PDE3A: variants seen among roughly 807,000 people sequenced by gnomAD.
PDE3A encodes the protein cGMP-inhibited 3',5'-cyclic phosphodiesterase 3A.
A neutral mutation model predicts 98.3 loss-of-function variants in PDE3A; 43 were observed. The observed-to-expected ratio is 0.44, with a 90% CI of 0.34 to 0.56. The LOEUF is 0.56. Ranked by LOEUF, PDE3A falls within the 20% of genes least tolerant of loss-of-function variation. PDE3A has a pLI of 0.01. For synonymous variants in PDE3A, 663 were observed against 567.9 expected (o/e 1.17, Z -2.38); for missense variants, 1,427 against 1,440.7 (o/e 0.99, Z 0.15).
chr12:20,491,454 T>C (rs2121046969), intron 1 of PDE3A, among the ~76,000 whole-genome samples: 1 of 152,292 alleles, frequency 6.6e-6, no homozygotes, highest in Non-Finnish European at 1.5e-5. Context: ...TAAACTGTCA[T>C]GGTGCTGTGA....
intron 1 of PDE3A, among the ~76,000 whole-genome samples, chr12:20,426,122 A>C (rs1944597804): frequency 6.6e-6 from 1 of 152,194 alleles, no homozygotes; most frequent in Non-Finnish European, 1.5e-5. Flanking sequence ...CTGTTGAGGA[A>C]AATTTTAAGC....
intron 2 of PDE3A, among the ~76,000 whole-genome samples, chr12:20,583,441 T>G (rs1442221443): frequency 6.6e-6 from 1 of 152,098 alleles, no homozygotes; most frequent in Non-Finnish European, 1.5e-5. Flanking sequence ...GGTGATTTCA[T>G]TAGGAATAAG....
intron 1 of PDE3A, among the ~76,000 whole-genome samples, chr12:20,505,865 T>C (rs1255929416): frequency 2.0e-5 from 3 of 152,128 alleles, no homozygotes; most frequent in Non-Finnish European, 2.9e-5. Flanking sequence ...GGAGCTGCCA[T>C]ATACAAAACA....
intron 10 of PDE3A, among the ~76,000 whole-genome samples, chr12:20,642,228 G>A (rs557225198): frequency 7.2e-5 from 11 of 152,064 alleles, no homozygotes; most frequent in African/African-American, 2.6e-4. Flanking sequence ...TACCTTTAAC[G>A]GTTTTCAAGA....
chr12:20,384,594 A>G (rs1007642329), intron 1 of PDE3A, among the ~76,000 whole-genome samples: 1 of 151,938 alleles, frequency 6.6e-6, no homozygotes, highest in African/African-American at 2.4e-5. Context: ...GTAGGTAAAC[A>G]TATACTATGG....
intron 1 of PDE3A, among the ~76,000 whole-genome samples, chr12:20,543,231 T>A (rs2121226084): frequency 6.7e-6 from 1 of 149,250 alleles, no homozygotes; most frequent in South Asian, 2.2e-4. Flanking sequence ...TTGCATGGAA[T>A]TTTTGGAGTA....
chr12:20,623,623 GGAATTTATGATGGATATATTCTAGAAA>G (rs1471689539), intron 5 of PDE3A, among the ~76,000 whole-genome samples: 3 of 151,072 alleles, frequency 2.0e-5, no homozygotes, highest in African/African-American at 7.3e-5. Context: ...CTTTACTAAA[GGAATTTATGATGGATATATTCTAGAAA>G]GAATATATGA....
chr12:20,616,297 C>T lies in PDE3A; in HGVS notation c.1337C>T (p.Ser446Leu), dbSNP rs748512495. Residue 446 changes from serine (S) to leucine (L), a missense_variant, in exon 4 of 16, where the codon TCG becomes TTG. Ser to Leu is a moderately radical substitution (Grantham distance 145, BLOSUM62 -2). This residue lies in a region of PDE3A where 1,012 missense variants were observed against 886.5 expected (regional missense o/e 1.14). Coordinates refer to ENST00000359062, the MANE Select transcript of PDE3A (RefSeq NM_000921.5). ...TCTTCCACTTGGACCACCACCACCT[C>T]GGCCACAGGTCTACCCACCTTGGAG... ...RVSSTWTTTT[S>L]ATGLPTLEPA... 3 of 1,614,016 alleles carry T rather than the reference C, an allele frequency of 1.9e-6. No homozygotes were observed. Among genetic ancestry groups the T allele is most frequent in the South Asian group, 1.1e-5 (1 of 91,076 alleles).
chr12:20,445,934 A>G (rs1944945804), intron 1 of PDE3A, among the ~76,000 whole-genome samples: 1 of 152,174 alleles, frequency 6.6e-6, no homozygotes, highest in African/African-American at 2.4e-5. Context: ...AGATGAGCAT[A>G]TGACTGACTC....
At chr12:20,439,189 A>G (rs1383206010) in intron 1 of PDE3A, among the ~76,000 whole-genome samples, 1 of 152,196 alleles carries the variant, frequency 6.6e-6, no homozygotes, top group East Asian at 1.9e-4. Context: ...AGAAAATAAC[A>G]ATAGGACTTT....
chr12:20,380,942 A>C (rs550837214), intron 1 of PDE3A, among the ~76,000 whole-genome samples: 1 of 152,048 alleles, frequency 6.6e-6, no homozygotes, highest in Admixed American at 6.6e-5. Flanking sequence ...TTTTGAGACA[A>C]GGAGCTAACT....
At chr12:20,497,735 A>C (rs1240520061) in intron 1 of PDE3A, among the ~76,000 whole-genome samples, 1 of 152,180 alleles carries the variant, frequency 6.6e-6, no homozygotes. Flanking sequence ...AATGCATCAA[A>C]ATCAGGAAAA....
At chr12:20,373,018 C>T (rs1289019632) in intron 1 of PDE3A, among the ~76,000 whole-genome samples, 1 of 152,068 alleles carries the variant, frequency 6.6e-6, no homozygotes, top group African/African-American at 2.4e-5. Context: ...AACCAATTGA[C>T]AGATACATTT....
At chr12:20,511,002 C>T (rs1325667412) in intron 1 of PDE3A, among the ~76,000 whole-genome samples, 1 of 151,950 alleles carries the variant, frequency 6.6e-6, no homozygotes. Context: ...ACGAGTCAGC[C>T]AGGCAGCCAC....
Position 20,688,225 on chromosome 12 carries a change from T to C in PDE3A, c.*7954T>C, listed in dbSNP as rs1296670445. ...TCTTTTGAACTTCATCATTTTGCAA[T>C]TGAAATAAATCTTGTCCTTTCACCT... On this transcript the variant is annotated 3_prime_UTR_variant, in exon 16 of 16. Coordinates refer to ENST00000359062, the MANE Select transcript of PDE3A (RefSeq NM_000921.5). 6.6e-6 allele frequency among the ~76,000 whole-genome samples: 1 copy of C among 152,014 alleles called. No homozygotes were observed. The highest frequency in any genetic ancestry group is 2.4e-5 in the African/African-American group (1 of 41,432).
At chr12:20,569,764 C>T (rs1225097380) in intron 2 of PDE3A, among the ~76,000 whole-genome samples, 2 of 151,958 alleles carry the variant, frequency 1.3e-5, no homozygotes, top group African/African-American at 4.8e-5. Flanking sequence ...TGCAAAGTAC[C>T]TGCGTATTTG....
chr12:20,505,411 T>C lies in PDE3A; in HGVS notation c.961-51249T>C, dbSNP rs1946097554. Among the ~76,000 whole-genome samples the C allele has an allele frequency of 2.0e-5, 3 of 152,218 alleles. No homozygotes were observed. The South Asian group carries it at 6.2e-4, about 32-fold the overall frequency. On this transcript the variant is annotated intron_variant, in intron 1 of 15. Coordinates refer to ENST00000359062, the MANE Select transcript of PDE3A (RefSeq NM_000921.5). Reference sequence around the variant, plus strand: ...TAATTCAACTGCTAGACTAGTAAGATCACAATGAAAAATGTTCTATAAAGT... The same window carrying C: ...TAATTCAACTGCTAGACTAGTAAGACCACAATGAAAAATGTTCTATAAAGT...
At chr12:20,609,106 A>G (rs921857335) in intron 2 of PDE3A, among the ~76,000 whole-genome samples, 2 of 152,054 alleles carry the variant, frequency 1.3e-5, no homozygotes, top group African/African-American at 2.4e-5. Context: ...TACAAACATT[A>G]AAAAATTGAA....
chr12:20,610,564 C>G (rs1302898727), intron 2 of PDE3A, among the ~76,000 whole-genome samples: 1 of 151,958 alleles, frequency 6.6e-6, no homozygotes, highest in Non-Finnish European at 1.5e-5. Flanking sequence ...GATATCTGCA[C>G]TCTCATGTTC....
Sources: gnomAD v4.1 joint callset for allele counts (sites outside exome capture counted in the v4.1 genomes callset) on GRCh38, gnomAD v4.1.1 for gene constraint, gnomAD v4.1.1 regional missense constraint, MANE v1.5 for transcripts, NCBI Gene and HGNC (gene_info 2026-07-23, HGNC 2026-07-21) for gene names.